Variants in FMN2 observed in about 807,000 individuals in gnomAD.
The protein encoded by FMN2 is formin 2.
In FMN2, 51 loss-of-function variants were observed where a neutral mutation model predicts 142.3. The ratio of observed to expected loss-of-function variants is 0.36; its 90% confidence interval spans 0.29 to 0.45. The LOEUF (loss-of-function observed/expected upper bound fraction) is 0.45. Ranked by LOEUF, FMN2 falls within the 20% of genes least tolerant of loss-of-function variation. FMN2 has a pLI of 1.00. For missense variants in FMN2, 1,936 were observed against 2,122.8 expected, an observed-to-expected ratio of 0.91 and a Z score of 1.73; for synonymous variants, 882 against 869.8, an observed-to-expected ratio of 1.01 and a Z score of -0.25.
rs533722786 is a variant in FMN2 at position 240,356,138 on chromosome 1, ATGTT to A, written c.4858+237_4858+240del. On this transcript the variant is annotated intron_variant, in intron 14 of 17. Transcript: ENST00000319653. The stretch of plus-strand genomic sequence containing the variant: ...TATTTGTGGATAATGCTCATTATTA[ATGTT>A]TGTTTGCTTGCATGACAGTATATAC... Among the ~76,000 whole-genome samples, 466 of 152,270 alleles carry A rather than the reference ATGTT, an allele frequency of 3.1e-3. 2 individuals carry two copies. The highest frequency in any genetic ancestry group is 0.011 in the African/African-American group (445 of 41,556).
intron 2 of FMN2, among the ~76,000 whole-genome samples, chr1:240,168,482 G>T (rs575007042): frequency 1.3e-5 from 2 of 152,214 alleles, no homozygotes; most frequent in East Asian, 3.9e-4. Context: ...CTGGCCACTT[G>T]GGAGGCTGAG....
At chr1:240,150,290 A>G (rs1330030288) in intron 2 of FMN2, among the ~76,000 whole-genome samples, 1 of 152,250 alleles carries the variant, frequency 6.6e-6, no homozygotes, top group Non-Finnish European at 1.5e-5. Context: ...TCAGCCAGCC[A>G]TCAGACATAG....
chr1:240,187,294 A>G (rs1036555017), intron 3 of FMN2, among the ~76,000 whole-genome samples: 3 of 151,040 alleles, frequency 2.0e-5, no homozygotes, highest in Non-Finnish European at 2.9e-5. Flanking sequence ...AAAAAAAAGA[A>G]AAGAAAAAAA....
chr1:240,281,452 C>A (rs879578010), intron 7 of FMN2, among the ~76,000 whole-genome samples: 5 of 152,032 alleles, frequency 3.3e-5, no homozygotes, highest in African/African-American at 1.2e-4. Context: ...GGGCAGGAAC[C>A]GTGTCTGTCT....
intron 11 of FMN2, among the ~76,000 whole-genome samples, chr1:240,332,347 C>A (rs1350514399): frequency 6.8e-6 from 1 of 146,358 alleles, no homozygotes; most frequent in African/African-American, 2.6e-5. Context: ...CCAACCTGGG[C>A]AATACAGTGA....
chr1:240,104,355 G>A (rs2103182464), intron 1 of FMN2, among the ~76,000 whole-genome samples: 1 of 151,928 alleles, frequency 6.6e-6, no homozygotes, highest in Middle Eastern at 3.4e-3. Flanking sequence ...TGCTCTCTCT[G>A]GTAATTTTAG....
chr1:240,144,993 CAG>C (rs1258778228), intron 2 of FMN2: 33 of 1,295,460 alleles, frequency 2.5e-5, no homozygotes, highest in South Asian at 1.9e-4. Flanking sequence ...ATGGCCAAAA[CAG>C]AGATGATGTC....
At chr1:240,103,582 A>T (rs933077817) in intron 1 of FMN2, among the ~76,000 whole-genome samples, 3 of 152,114 alleles carry the variant, frequency 2.0e-5, no homozygotes, top group Non-Finnish European at 4.4e-5. Context: ...ACACCCAGTT[A>T]ATCTTTCCAT....
chr1:240,266,069 A>C (rs1043872056), intron 7 of FMN2, among the ~76,000 whole-genome samples: 14 of 145,644 alleles, frequency 9.6e-5, no homozygotes, highest in Non-Finnish European at 2.1e-4. Flanking sequence ...TCAGGGGTAC[A>C]TGTGTAGGTT....
chr1:240,268,412 A>G (rs1668887082), intron 7 of FMN2, among the ~76,000 whole-genome samples: 1 of 152,070 alleles, frequency 6.6e-6, no homozygotes, highest in Non-Finnish European at 1.5e-5. Flanking sequence ...TTTATCTGCA[A>G]GGAGGACAAC....
rs1572151423 is a variant in FMN2 at position 240,282,279 on chromosome 1, G to A, written c.4154-12543G>A. Among the ~76,000 whole-genome samples the A allele has an allele frequency of 2.6e-5, 4 of 152,276 alleles. No individual in the cohort carries two copies. In the South Asian group the frequency reaches 8.3e-4, roughly 32 times the overall value. On this transcript the variant is annotated intron_variant, in intron 7 of 17. Transcript: ENST00000319653. ...GGTTAGTCACAGAGCCCTGTTTTTA[G>A]TTCAGGTCTATCTAAATCCAAAACA...
chr1:240,249,070 G>GT (rs905753740), intron 6 of FMN2, among the ~76,000 whole-genome samples: 3 of 151,852 alleles, frequency 2.0e-5, no homozygotes, highest in Non-Finnish European at 4.4e-5. Flanking sequence ...TCTGTTGATT[G>GT]TTTTTTTGCT....
chr1:240,353,274 C>G (rs1178445334), intron 13 of FMN2, among the ~76,000 whole-genome samples: 6 of 152,202 alleles, frequency 3.9e-5, no homozygotes. Flanking sequence ...GCATTTTACA[C>G]TCATAGTGGC....
intron 1 of FMN2, among the ~76,000 whole-genome samples, chr1:240,105,192 T>A (rs1024414933): frequency 3.7e-5 from 5 of 133,746 alleles, no homozygotes; most frequent in African/African-American, 1.1e-4. Flanking sequence ...GACTACAGCC[T>A]CAACCTCCTG....
At chr1:240,399,150 T>A (rs2103107469) in intron 15 of FMN2, among the ~76,000 whole-genome samples, 1 of 152,270 alleles carries the variant, frequency 6.6e-6, no homozygotes, top group Non-Finnish European at 1.5e-5. Flanking sequence ...AAAAACAATG[T>A]CCACATTATA....
At chr1:240,155,463 G>A (rs893196252) in intron 2 of FMN2, among the ~76,000 whole-genome samples, 1 of 151,940 alleles carries the variant, frequency 6.6e-6, no homozygotes, top group Non-Finnish European at 1.5e-5. Flanking sequence ...TAAATATTTT[G>A]TAGAGACAGG....
chr1:240,409,052 A>G (rs1674307313), intron 15 of FMN2, among the ~76,000 whole-genome samples: 1 of 152,138 alleles, frequency 6.6e-6, no homozygotes, highest in South Asian at 2.1e-4. Context: ...TGTATTTGAA[A>G]TATTTGTTTT....
chr1:240,181,630 G>A (rs970169720), intron 3 of FMN2, among the ~76,000 whole-genome samples: 4 of 152,062 alleles, frequency 2.6e-5, no homozygotes, highest in Admixed American at 6.6e-5. Flanking sequence ...TCCACAGATG[G>A]GCCTAAAGTG....
At chr1:240,105,617 T>C (rs1661578096) in intron 1 of FMN2, among the ~76,000 whole-genome samples, 1 of 152,190 alleles carries the variant, frequency 6.6e-6, no homozygotes, top group Non-Finnish European at 1.5e-5. Flanking sequence ...CTTTTCTCCA[T>C]AAAGAGTTTG....
Sources: gnomAD v4.1 joint callset for allele counts (sites outside exome capture counted in the v4.1 genomes callset) on GRCh38, gnomAD v4.1.1 for gene constraint, MANE v1.5 for transcripts, NCBI Gene and HGNC (gene_info 2026-07-23, HGNC 2026-07-21) for gene names.